The following YIF1B variants were observed in gnomAD, a reference collection of about 807,000 sequenced individuals.
YIF1B encodes the protein Yip1 interacting factor homolog B, membrane trafficking protein, also known as protein YIF1B.
YIF1B carries 24 observed loss-of-function variants against 34.6 expected under a neutral mutation model. The observed-to-expected ratio is 0.69, with a 90% CI of 0.50 to 0.98. The LOEUF (loss-of-function observed/expected upper bound fraction) is 0.98, where lower values mean the gene tolerates loss of function less well. YIF1B is among the 50% of genes least tolerant of loss of function. The pLI is 0.00. For synonymous variants in YIF1B, 186 were observed against 184.8 expected (o/e 1.01, Z -0.05); for missense variants, 368 against 429.4 (o/e 0.86, Z 1.26).
At chr19:38,316,334 G>A (rs1969552153), upstream of YIF1B, among the ~76,000 whole-genome samples, 1 of 150,308 alleles carries the variant, frequency 6.7e-6, no homozygotes, top group African/African-American at 2.4e-5. Context: ...AGTGACCCTC[G>A]CCCCGCCCCA....
chr19:38,319,297 G>A (rs774131250), upstream of YIF1B, among the ~76,000 whole-genome samples: 1 of 152,060 alleles, frequency 6.6e-6, no homozygotes, highest in Non-Finnish European at 1.5e-5. Flanking sequence ...TGAATGCATG[G>A]CGCAGGATGG....
At position 38,304,233 on chromosome 19, in the gene YIF1B, G is replaced by C; in HGVS notation, c.*1119C>G. ...TCCTCTGCAGGGCCCAGGCGCCCTT[G>C]GCCTTAGGACCCAACTTCTCTTACC... On this transcript the variant is annotated 3_prime_UTR_variant, in exon 8 of 8. Transcript: ENST00000339413. The C allele has an allele frequency of 6.2e-7, 1 of 1,613,294 alleles. No individual in the cohort carries two copies. The highest frequency in any genetic ancestry group is 8.5e-7 in the Non-Finnish European group (1 of 1,179,994).
At chr19:38,315,316 T>C (rs1969501452) in intron 1 of YIF1B, 12 of 1,002,924 alleles carry the variant, frequency 1.2e-5, no homozygotes, top group Non-Finnish European at 1.4e-5. Flanking sequence ...GGCTGGGTCA[T>C]GTGCCTCCTC....
chr19:38,310,349 A>G (rs543317295), intron 1 of YIF1B, among the ~76,000 whole-genome samples: 1 of 131,926 alleles, frequency 7.6e-6, no homozygotes, highest in East Asian at 2.5e-4. Flanking sequence ...CCACCCATCC[A>G]CCCACCTATC....
In YIF1B at chr19:38,311,968, G is replaced by A. The variant is rs148713685; in HGVS notation, c.59-2325C>T. Among the ~76,000 whole-genome samples the A allele has an allele frequency of 2.9e-3, 433 of 151,360 alleles. 5 individuals carry two copies. Among genetic ancestry groups the A allele is most frequent in the African/African-American group, 1.0e-2 (412 of 41,222 alleles). ...AAAAATGAGCTGGGCATGGTGGTGCGTGCCTGTAATCCCAGCTACTCCGGA... is the reference window on the plus strand; with the variant it reads ...AAAAATGAGCTGGGCATGGTGGTGCATGCCTGTAATCCCAGCTACTCCGGA... On this transcript the variant is annotated intron_variant, in intron 1 of 7. Transcript: ENST00000339413.
intron 7 of YIF1B, among the ~76,000 whole-genome samples, chr19:38,305,803 G>A (rs933259114): frequency 4.6e-5 from 7 of 152,214 alleles, no homozygotes; most frequent in African/African-American, 1.2e-4. Flanking sequence ...GTGGACACCC[G>A]GCCTGAGGGG....
In YIF1B at chr19:38,308,963, A is replaced by T; in HGVS notation, c.481+16T>A. 1 of 1,608,384 alleles carries T rather than the reference A, an allele frequency of 6.2e-7. No homozygotes were observed. Among genetic ancestry groups the T allele is most frequent in the Non-Finnish European group, 8.5e-7 (1 of 1,176,092 alleles). ...CGGAAGAGAGAGGAGGGTGCAGGGT[A>T]GGGGGAGGGTGAAACCTGGAATGTA... On this transcript the variant is annotated intron_variant, in intron 4 of 7. Transcript: ENST00000339413.
chr19:38,304,946 G>A lies in YIF1B; in HGVS notation c.*406C>T, dbSNP rs1568350843. On this transcript the variant is annotated 3_prime_UTR_variant, in exon 8 of 8. Transcript: ENST00000339413. ...AGGGCAAGAAGGAGAAGGGCAAGAA[G>A]AAGGAGGCTCCCCACTGAAGGGCCC... 1 of 1,610,278 alleles carries A rather than the reference G, an allele frequency of 6.2e-7. No homozygotes were observed. Among genetic ancestry groups the A allele is most frequent in the African/African-American group, 1.3e-5 (1 of 74,820 alleles).
chr19:38,306,465 C>T (rs2056291673), intron 7 of YIF1B, among the ~76,000 whole-genome samples: 1 of 152,076 alleles, frequency 6.6e-6, no homozygotes, highest in South Asian at 2.1e-4. Context: ...CCTGCCTCAG[C>T]CTGCCAAAGT....
intron 1 of YIF1B, 70 bp from the exon 2 acceptor site, chr19:38,309,713 C>A: frequency 6.6e-7 from 1 of 1,523,086 alleles, no homozygotes; most frequent in East Asian, 2.4e-5. Context: ...GAACCTCATT[C>A]ATCCCACAGC....
intron 1 of YIF1B, chr19:38,315,410 A>T: frequency 1.6e-6 from 2 of 1,257,456 alleles, no homozygotes; most frequent in Non-Finnish European, 1.0e-6. Context: ...TAAATGAAAC[A>T]CACAGCACAC....
At chr19:38,306,204 C>CAAAAAA (rs1174694534) in intron 7 of YIF1B, among the ~76,000 whole-genome samples, 2 of 28,710 alleles carry the variant, frequency 7.0e-5, no homozygotes, top group Admixed American at 4.6e-4. Context: ...CTCTGTCTCA[C>CAAAAAA]AAAAAAAAAA....
In YIF1B at chr19:38,304,107, G is replaced by A. The variant is rs887575571; in HGVS notation, c.*1245C>T. The A allele has an allele frequency of 2.2e-5, 19 of 872,918 alleles. No homozygotes were observed. In the African/African-American group the frequency reaches 2.9e-4, roughly 13 times the overall value. 54.1% of individuals were successfully genotyped at this position (872,918 alleles called of 1,614,324 possible). ...TCTCACAGAGGAAATCCTGGGTGGT[G>A]CCGGGCAATGAGTCAGGGCTGAGGA... On this transcript the variant is annotated 3_prime_UTR_variant, in exon 8 of 8. Transcript: ENST00000339413.
rs1250534801 is a variant in YIF1B, at chr19:38,305,165, C to T, written c.*187G>A. On this transcript the variant is annotated 3_prime_UTR_variant, in exon 8 of 8. Transcript: ENST00000339413. The stretch of plus-strand genomic sequence containing the variant: ...CTGTAACAGCGGCCACGCCCTGGGG[C>T]GGTGGCCTGTGCAGCTGGAGATCTC... The T allele has an allele frequency of 2.3e-6, 3 of 1,308,188 alleles. No individual in the cohort carries two copies. Among genetic ancestry groups the T allele is most frequent in the Non-Finnish European group, 2.0e-6 (2 of 977,512 alleles). The allele number at this position is 1,308,188 out of a possible 1,614,324, so 81.0% of individuals were successfully genotyped here. A position where few individuals can be genotyped will look rare whatever the true frequency, so the allele number is the denominator to read the frequency against.
chr19:38,304,595 C>T lies in YIF1B; in HGVS notation c.*757G>A, dbSNP rs773627820. 5.0e-6 allele frequency: 8 copies of T among 1,612,486 alleles called. No individual in the cohort carries two copies. Among genetic ancestry groups the T allele is most frequent in the Admixed American group, 3.3e-5 (2 of 59,910 alleles). On this transcript the variant is annotated 3_prime_UTR_variant, in exon 8 of 8. Coordinates refer to ENST00000339413, the MANE Select transcript of YIF1B (RefSeq NM_001039672.3). Reference sequence around the variant, plus strand: ...CAACTTCAGGGGGCTGGGTAAGGGGCGCCGCCTCACTGCCGCACCTCCATC... The same window carrying T: ...CAACTTCAGGGGGCTGGGTAAGGGGTGCCGCCTCACTGCCGCACCTCCATC...
chr19:38,307,794 C>T, intron 5 of YIF1B, 42 bp from the exon 6 acceptor site: 2 of 1,602,916 alleles, frequency 1.2e-6, no homozygotes, highest in Non-Finnish European at 1.7e-6. Flanking sequence ...CTGGTTCAGA[C>T]CCCCCACCCC....
In YIF1B at chr19:38,309,341, A is replaced by T. The variant is rs763187558; in HGVS notation, c.298-13T>A. The T allele has an allele frequency of 6.2e-7, 1 of 1,613,922 alleles. No individual in the cohort carries two copies. ...TGAAGCGGTCGATCTGGGGAGGCAG[A>T]GCTCAAGTCTGAAGCCCTGTGGCCC... On this transcript the variant is annotated splice_polypyrimidine_tract_variant and intron_variant, in intron 2 of 7. Coordinates refer to ENST00000339413, the MANE Select transcript of YIF1B (RefSeq NM_001039672.3).
upstream of YIF1B, among the ~76,000 whole-genome samples, chr19:38,321,816 C>T (rs1248463407): frequency 1.3e-4 from 20 of 152,236 alleles, no homozygotes; most frequent in Non-Finnish European, 2.9e-4. Flanking sequence ...GGGTCATGTG[C>T]ACGCCTCCTA....
chr19:38,304,606 T>A lies in YIF1B; in HGVS notation c.*746A>T. ...GGCTGGGTAAGGGGCGCCGCCTCAC[T>A]GCCGCACCTCCATCCAGCAAGGACA... On this transcript the variant is annotated 3_prime_UTR_variant, in exon 8 of 8. Transcript: ENST00000339413. 1.2e-6 allele frequency: 2 copies of A among 1,613,212 alleles called. No individual in the cohort carries two copies. The highest frequency in any genetic ancestry group is 1.7e-6 in the Non-Finnish European group (2 of 1,179,926).
Sources: gnomAD v4.1 joint callset for allele counts (sites outside exome capture counted in the v4.1 genomes callset) on GRCh38, gnomAD v4.1.1 for gene constraint, MANE v1.5 for transcripts, NCBI Gene and HGNC (gene_info 2026-07-23, HGNC 2026-07-21) for gene names.